Variants in WDR4 observed in about 807,000 individuals in gnomAD.
WDR4 encodes tRNA (guanine-N(7)-)-methyltransferase non-catalytic subunit WDR4.
A neutral mutation model predicts 48.6 loss-of-function variants in WDR4; 47 were observed. The observed-to-expected ratio is 0.97, with a 90% CI of 0.77 to 1.23. The LOEUF is 1.23. Ranked by LOEUF, WDR4 falls within the 50% of genes most tolerant of loss-of-function variation. The pLI is 0.00. For missense variants in WDR4, 606 were observed against 551.6 expected, an observed-to-expected ratio of 1.10 and a Z score of -0.99; for synonymous variants, 268 against 230.0, an observed-to-expected ratio of 1.17 and a Z score of -1.49.
upstream of WDR4, among the ~76,000 whole-genome samples, chr21:42,881,429 T>G (rs1174677803): frequency 1.3e-5 from 2 of 152,208 alleles, no homozygotes; most frequent in Non-Finnish European, 2.9e-5. Flanking sequence ...TTAACCACAC[T>G]CTTTTCTATA....
rs368698750 is a variant in WDR4 at position 42,871,136 on chromosome 21, A to G, written c.296+2415T>C. ...CACAAAAGGACGACTCTGTGAGGAC[A>G]TAGGGAGAAGACGCCATCAGCAAGC... On this transcript the variant is annotated intron_variant, in intron 3 of 10. Coordinates refer to ENST00000398208, the MANE Select transcript of WDR4 (RefSeq NM_018669.6). 1.6e-4 allele frequency among the ~76,000 whole-genome samples: 24 copies of G among 152,334 alleles called. No homozygotes were observed. The East Asian group carries it at 3.5e-3, about 22-fold the overall frequency.
intron 5 of WDR4, among the ~76,000 whole-genome samples, chr21:42,861,980 G>A (rs932925675): frequency 3.3e-5 from 5 of 152,084 alleles, no homozygotes; most frequent in East Asian, 1.9e-4. Flanking sequence ...AACAACTCCC[G>A]GGCATGGTGC....
the WDR4 span, among the ~76,000 whole-genome samples, chr21:42,887,932 C>A: frequency 4.0e-5 from 6 of 151,136 alleles, no homozygotes; most frequent in East Asian, 7.8e-4. Context: ...AAAAAAAAAA[C>A]AAAAACAAAA....
In WDR4 at chr21:42,876,798, A is replaced by C. The variant is rs558216055; in HGVS notation, c.90-31T>G. 4 of 1,588,786 alleles carry C rather than the reference A, an allele frequency of 2.5e-6. No homozygotes were observed. The African/African-American group carries it at 5.5e-5, about 22-fold the overall frequency. Reference sequence around the variant, plus strand: ...GAGAAATAACAATAATTTTAAAAGGAGTTATCATTAGAGAGAAATAACAAA... The same window carrying C: ...GAGAAATAACAATAATTTTAAAAGGCGTTATCATTAGAGAGAAATAACAAA... On this transcript the variant is annotated intron_variant, in intron 1 of 10. Transcript: ENST00000398208.
chr21:42,886,586 C>T, the WDR4 span, among the ~76,000 whole-genome samples: 1 of 152,180 alleles, frequency 6.6e-6, no homozygotes, highest in East Asian at 1.9e-4. Flanking sequence ...AGTTTGCCCA[C>T]CACTTTGCCA....
chr21:42,878,250 C>G (rs1191011520), intron 1 of WDR4, among the ~76,000 whole-genome samples: 1 of 152,100 alleles, frequency 6.6e-6, no homozygotes, highest in East Asian at 1.9e-4. Context: ...CATCCTCACC[C>G]CCTGGCACGT....
intron 7 of WDR4, among the ~76,000 whole-genome samples, chr21:42,855,170 G>T (rs1326788617): frequency 6.6e-6 from 1 of 152,046 alleles, no homozygotes; most frequent in Non-Finnish European, 1.5e-5. Flanking sequence ...GAAACTTCCA[G>T]GAACCTGAGT....
At chr21:42,851,214 G>A (rs1002274631) in intron 10 of WDR4, among the ~76,000 whole-genome samples, 4 of 152,102 alleles carry the variant, frequency 2.6e-5, no homozygotes, top group Admixed American at 2.0e-4. Flanking sequence ...GCAGATGCCC[G>A]GCCATGAGCA....
chr21:42,868,882 C>G (rs372547018), intron 3 of WDR4, among the ~76,000 whole-genome samples: 15 of 152,228 alleles, frequency 9.9e-5, no homozygotes, highest in African/African-American at 3.4e-4. Flanking sequence ...TGCTCTGGCT[C>G]AAACTTCCCG....
chr21:42,876,758 G>A lies in WDR4; in HGVS notation c.99C>T (p.Asp33=), dbSNP rs200772726. 3.1e-6 allele frequency: 5 copies of A among 1,612,456 alleles called. No homozygotes were observed. The African/African-American group carries it at 6.7e-5, about 22-fold the overall frequency. The change falls in exon 2 of 11, where the codon GAC becomes GAT. Residue 33 remains aspartate (D), a synonymous_variant. Transcript: ENST00000398208. ...LATSIASSDD[D]SLFIYDCSAA... is the part of the protein sequence containing the mutation. Reference sequence around the variant, plus strand: ...CACTGCAGTCATAGATGAAGAGGCTGTCATCATCACTAAAGAGAAATAACA... The same window carrying A: ...CACTGCAGTCATAGATGAAGAGGCTATCATCATCACTAAAGAGAAATAACA...
chr21:42,892,868 G>A, the WDR4 span, among the ~76,000 whole-genome samples: 1 of 152,226 alleles, frequency 6.6e-6, no homozygotes, highest in Non-Finnish European at 1.5e-5. Context: ...CCGAGCTGAA[G>A]AGCTTTAAAA....
At chr21:42,863,386 A>G (rs1275173147) in intron 4 of WDR4, 54 bp downstream of exon 4, 12 of 1,567,966 alleles carry the variant, frequency 7.7e-6, no homozygotes, top group Admixed American at 3.6e-5. Flanking sequence ...CACGTCCCCC[A>G]TGTACCGTGT....
At chr21:42,878,998 G>A (rs1341499074) in intron 1 of WDR4, 2 of 1,011,342 alleles carry the variant, frequency 2.0e-6, no homozygotes, top group Non-Finnish European at 2.4e-6. Context: ...TCACCAGGGA[G>A]ACCCGAGACC....
At chr21:42,885,775 G>T in the WDR4 span, among the ~76,000 whole-genome samples, 7 of 151,798 alleles carry the variant, frequency 4.6e-5, no homozygotes, top group African/African-American at 1.7e-4. Flanking sequence ...GCTCACTGCA[G>T]CCTTGACCTC....
rs755775432 is a variant in WDR4 at position 42,873,579 on chromosome 21, T to C, written c.268A>G (p.Thr90Ala). 187 of 1,614,104 alleles carry C rather than the reference T, an allele frequency of 1.2e-4. 1 individual carries two copies. Among genetic ancestry groups the C allele is most frequent in the Middle Eastern group, 1.2e-3 (7 of 6,084 alleles). ...DDSKRLILFRTKPWQCLSVRT... is the reference protein window; with the variant it reads ...DDSKRLILFRAKPWQCLSVRT... Reference sequence around the variant, plus strand: ...ACACTCAGACATTGCCATGGTTTTGTACGGAAAAGAATCAGACGCTTACTG... The same window carrying C: ...ACACTCAGACATTGCCATGGTTTTGCACGGAAAAGAATCAGACGCTTACTG... The change falls in exon 3 of 11, where the codon ACA (threonine) becomes GCA (alanine). Residue 90 changes from threonine to alanine, a missense_variant. Physicochemically the swap from Thr to Ala is moderately conservative, Grantham distance 58 (BLOSUM62 0). Transcript: ENST00000398208.
chr21:42,864,107 CAAAAA>C (rs776906461), intron 3 of WDR4, among the ~76,000 whole-genome samples: 2 of 50,546 alleles, frequency 4.0e-5, no homozygotes, highest in Non-Finnish European at 6.4e-5. Context: ...GACTCCGTCT[CAAAAA>C]AAAAAAAAAA....
At chr21:42,870,642 A>G (rs772689951) in intron 3 of WDR4, among the ~76,000 whole-genome samples, 3 of 152,144 alleles carry the variant, frequency 2.0e-5, no homozygotes, top group Admixed American at 6.5e-5. Context: ...ACAAAAAATT[A>G]GCCAGACGTG....
chr21:42,844,998 G>T (rs552367779), downstream of WDR4, among the ~76,000 whole-genome samples: 103 of 152,336 alleles, frequency 6.8e-4, 1 homozygote, highest in Middle Eastern at 0.01. Flanking sequence ...ACCTGCAAAG[G>T]AGGGTACAGG....
chr21:42,883,894 A>C (rs766370468), upstream of WDR4: 1 of 152,744 alleles, frequency 6.5e-6, no homozygotes, highest in African/African-American at 2.4e-5. Context: ...ATCCATCACC[A>C]CAATTTTAGA....
Sources: gnomAD v4.1 joint callset for allele counts (sites outside exome capture counted in the v4.1 genomes callset) on GRCh38, gnomAD v4.1.1 for gene constraint, MANE v1.5 for transcripts, NCBI Gene and HGNC (gene_info 2026-07-23, HGNC 2026-07-21) for gene names.